Variants in FUBP1 observed in about 807,000 individuals in gnomAD.
The protein encoded by FUBP1 is far upstream element binding protein 1, also known as far upstream element-binding protein 1.
A neutral mutation model predicts 94.9 loss-of-function variants in FUBP1; 16 were observed. That is an observed-to-expected ratio of 0.17 (90% CI 0.11 to 0.26). The LOEUF is 0.26. Ranked by LOEUF, FUBP1 falls within the 10% of genes least tolerant of loss-of-function variation. The pLI is 1.00. For synonymous variants in FUBP1, 279 were observed against 254.9 expected, an observed-to-expected ratio of 1.09 and a Z score of -0.90; for missense variants, 583 against 808.6, an observed-to-expected ratio of 0.72 and a Z score of 3.38.
At position 77,965,949 on chromosome 1, in the gene FUBP1, G is replaced by A. The variant is rs562838079; in HGVS notation, c.474-718C>T. Among the ~76,000 whole-genome samples the A allele has an allele frequency of 1.7e-3, 266 of 152,292 alleles. 1 individual carries two copies. Among genetic ancestry groups the A allele is most frequent in the South Asian group, 2.1e-4 (1 of 4,828 alleles). On this transcript the variant is annotated intron_variant, in intron 7 of 19. Transcript: ENST00000370768. ...CGGTAGTCCCAGCTACTCGGGAGGC[G>A]GAGGTTGCAGTGAGCCGAGATCGTG...
chr1:77,949,280 T>C lies in FUBP1; in HGVS notation c.1801A>G (p.Thr601Ala), dbSNP rs587778376. The C allele has an allele frequency of 1.0e-4, 163 of 1,613,876 alleles. No individual in the cohort carries two copies. The East Asian group carries it at 3.6e-3, about 36-fold the overall frequency. Residue 601 changes from threonine (T) to alanine (A), a missense_variant, in exon 19 of 20, where the codon ACT (threonine) becomes GCT (alanine). Thr to Ala is a moderately conservative substitution (Grantham distance 58, BLOSUM62 0). Coordinates refer to ENST00000370768, the MANE Select transcript of FUBP1 (RefSeq NM_003902.5). ...KKMGQAVPAP[T>A]GAPPGGQPDY... ...GGCTGACCACCTGGAGGAGCCCCAG[T>C]CGGAGCAGGAACTGCCTGACCTTTG...
rs1008894814 is a variant in FUBP1 at position 77,965,336 on chromosome 1, A to C, written c.474-105T>G. 49 of 606,072 alleles carry C rather than the reference A, an allele frequency of 8.1e-5. No individual in the cohort carries two copies. In the East Asian group the frequency reaches 9.4e-4, roughly 12 times the overall value. 37.5% of individuals were successfully genotyped at this position (606,072 alleles called of 1,614,324 possible). A position where few individuals can be genotyped will look rare whatever the true frequency, so the allele number is the denominator to read the frequency against. On this transcript the variant is annotated intron_variant, in intron 7 of 19. Coordinates refer to ENST00000370768, the MANE Select transcript of FUBP1 (RefSeq NM_003902.5). ...CCAAGTACTCCTCCTATCCCAGTTC[A>C]GGATTAGGTGCCTTGATGCTAACTT...
rs534729470 is a variant in FUBP1, at chr1:77,973,332, G to GC, written c.121-3318dup. Among the ~76,000 whole-genome samples, 80 of 152,100 alleles carry GC rather than the reference G, an allele frequency of 5.3e-4. No homozygotes were observed. The South Asian group carries it at 0.016, about 30-fold the overall frequency. On this transcript the variant is annotated intron_variant, in intron 1 of 19. Coordinates refer to ENST00000370768, the MANE Select transcript of FUBP1 (RefSeq NM_003902.5). ...GTGATCTGGGCTCACTGCAATGTCC[G>GC]CCCCCCAAGTTCAAGCGATTCTCCT...
In FUBP1 at chr1:77,947,804, T is replaced by G. The variant is rs1480279916; in HGVS notation, c.*962A>C. On this transcript the variant is annotated 3_prime_UTR_variant, in exon 20 of 20. Transcript: ENST00000370768. The stretch of plus-strand genomic sequence containing the variant: ...TAAAGAAAAAAAAAAAGCTTGAACG[T>G]TTCCATACCCCATTTATGTTTCAAT... 9.1e-6 allele frequency: 9 copies of G among 990,578 alleles called. No individual in the cohort carries two copies. Among genetic ancestry groups the G allele is most frequent in the Non-Finnish European group, 1.0e-5 (8 of 768,344 alleles). 61.4% of individuals were successfully genotyped at this position (990,578 alleles called of 1,614,324 possible). A position where few individuals can be genotyped will look rare whatever the true frequency, so the allele number is the denominator to read the frequency against.
At chr1:77,979,112 AC>A, upstream of FUBP1, 1 of 1,157,072 alleles carries the variant, frequency 8.6e-7, no homozygotes, top group Non-Finnish European at 1.2e-6. Flanking sequence ...TTCTTGCGCG[AC>A]CATCGTGCCG....
At chr1:77,972,096 T>G (rs1657670121) in intron 1 of FUBP1, among the ~76,000 whole-genome samples, 1 of 152,188 alleles carries the variant, frequency 6.6e-6, no homozygotes, top group Non-Finnish European at 1.5e-5. Flanking sequence ...AACCTGTTTT[T>G]GTTTCTGGGT....
intron 4 of FUBP1, 77 bp downstream of exon 4, chr1:77,967,550 A>G: frequency 2.0e-6 from 2 of 1,020,112 alleles, no homozygotes; most frequent in Non-Finnish European, 3.1e-6. Context: ...TATTCAATAT[A>G]CACCAATGTG....
chr1:77,979,203 A>G, upstream of FUBP1: 3 of 578,446 alleles, frequency 5.2e-6, no homozygotes, highest in South Asian at 4.5e-5. Flanking sequence ...GCTGAGAAAG[A>G]ACGACAGGAA....
intron 19 of FUBP1, 46 bp from the exon 20 acceptor site, chr1:77,948,820 A>C: frequency 6.2e-7 from 1 of 1,607,370 alleles, no homozygotes; most frequent in East Asian, 2.2e-5. Flanking sequence ...GTTAAAGAAA[A>C]TCCTTGAAAT....
intron 18 of FUBP1, among the ~76,000 whole-genome samples, chr1:77,954,613 A>G (rs969273717): frequency 5.9e-5 from 9 of 152,206 alleles, no homozygotes; most frequent in African/African-American, 2.2e-4. Flanking sequence ...TTCTCTTATG[A>G]CAAAACTCTA....
At chr1:77,963,172 T>A (rs958319277) in intron 13 of FUBP1, among the ~76,000 whole-genome samples, 7 of 152,216 alleles carry the variant, frequency 4.6e-5, no homozygotes, top group African/African-American at 1.7e-4. Context: ...ATAAACTTAA[T>A]GTGATTATAA....
chr1:77,966,445 C>T (rs1402011640), intron 7 of FUBP1, among the ~76,000 whole-genome samples: 3 of 152,174 alleles, frequency 2.0e-5, no homozygotes, highest in Non-Finnish European at 4.4e-5. Flanking sequence ...CCAGGCTACA[C>T]GTGGCTTTAC....
chr1:77,964,262 A>G lies in FUBP1; in HGVS notation c.932T>C (p.Phe311Ser). 2 of 1,605,110 alleles carry G rather than the reference A, an allele frequency of 1.2e-6. No homozygotes were observed. The highest frequency in any genetic ancestry group is 1.3e-5 in the African/African-American group (1 of 74,888). The change falls in exon 11 of 20, where the codon TTT becomes TCT. Residue 311 changes from phenylalanine to serine, a missense_variant. Physicochemically the swap from Phe to Ser is radical, Grantham distance 155 (BLOSUM62 -2). Coordinates refer to ENST00000370768, the MANE Select transcript of FUBP1 (RefSeq NM_003902.5). ...IQNDAGVRIQ[F>S]KPDDGTTPER... ...TTATTATATGTACTCACCTGGCTTA[A>G]ACTGAATGCGAACACCAGCATCATT...
intron 1 of FUBP1, among the ~76,000 whole-genome samples, chr1:77,972,246 G>A (rs1657700076): frequency 1.3e-5 from 2 of 152,086 alleles, no homozygotes; most frequent in Admixed American, 1.3e-4. Context: ...AATAGTAGAA[G>A]GAAAGTATTT....
intron 7 of FUBP1, among the ~76,000 whole-genome samples, chr1:77,965,475 A>C (rs1338829381): frequency 6.6e-6 from 1 of 152,218 alleles, no homozygotes; most frequent in East Asian, 1.9e-4. Flanking sequence ...ATAGTCCAAA[A>C]TTTCCAAGAA....
At chr1:77,956,767 C>CA in intron 16 of FUBP1, 67 bp from the exon 17 acceptor site, 2 of 1,132,158 alleles carry the variant, frequency 1.8e-6, no homozygotes, top group Non-Finnish European at 2.5e-6. Flanking sequence ...ACACACACAC[C>CA]ACCCCCCCGC....
chr1:77,979,059 G>C lies in FUBP1; in HGVS notation c.-55C>G. 6.6e-7 allele frequency: 1 copy of C among 1,508,140 alleles called. No homozygotes were observed. The highest frequency in any genetic ancestry group is 1.2e-5 in the South Asian group (1 of 81,750). 93.4% of individuals were successfully genotyped at this position (1,508,140 alleles called of 1,614,324 possible). ...TTCAGAGACTTCCTCTCAGCTAACA[G>C]CTAAGAAAGAAAGAAAATGGCGGCC... is the stretch of plus-strand genomic sequence containing the variant. On this transcript the variant is annotated 5_prime_UTR_variant, in exon 1 of 20. Transcript: ENST00000370768.
Position 77,963,722 on chromosome 1 carries a change from A to G in FUBP1, c.1042-7T>C. ...GTCCACCAGGATTACCAGCCTATAG[A>G]GAGGGAAAGACAAGAACGAAGAGTC... On this transcript the variant is annotated splice_polypyrimidine_tract_variant and splice_region_variant and intron_variant, in intron 12 of 19. Transcript: ENST00000370768. 1.3e-6 allele frequency: 2 copies of G among 1,594,692 alleles called. No individual in the cohort carries two copies. The highest frequency in any genetic ancestry group is 1.7e-6 in the Non-Finnish European group (2 of 1,173,168).
intron 1 of FUBP1, among the ~76,000 whole-genome samples, chr1:77,974,277 A>G (rs1213826005): frequency 6.6e-6 from 1 of 151,644 alleles, no homozygotes; most frequent in Non-Finnish European, 1.5e-5. Flanking sequence ...CTGGGACTAC[A>G]GGCGCCCACT....
Sources: gnomAD v4.1 joint callset for allele counts (sites outside exome capture counted in the v4.1 genomes callset) on GRCh38, gnomAD v4.1.1 for gene constraint, MANE v1.5 for transcripts, NCBI Gene and HGNC (gene_info 2026-07-23, HGNC 2026-07-21) for gene names.